SEL1L2: variants seen among roughly 807,000 people sequenced by gnomAD.
The protein encoded by SEL1L2 is protein sel-1 homolog 2.
In SEL1L2, 89 loss-of-function variants were observed where a neutral mutation model predicts 98.8. The ratio of observed to expected loss-of-function variants is 0.90; its 90% CI spans 0.76 to 1.07. The LOEUF (loss-of-function observed/expected upper bound fraction) is 1.07, where lower values mean the gene tolerates loss of function less well. Among genes scored for constraint, SEL1L2 ranks in the 50% least tolerant of loss-of-function variants. The pLI, the probability that SEL1L2 is intolerant of heterozygous loss-of-function variation, is 0.00. For synonymous variants in SEL1L2, 262 were observed against 278.5 expected, an observed-to-expected ratio of 0.94 and a Z score of 0.59; for missense variants, 788 against 812.0, an observed-to-expected ratio of 0.97 and a Z score of 0.36.
At chr20:13,992,592 G>C (rs1015591973), upstream of SEL1L2, among the ~76,000 whole-genome samples, 2 of 152,162 alleles carry the variant, frequency 1.3e-5, no homozygotes, top group African/African-American at 2.4e-5. Flanking sequence ...GGGTGGTATG[G>C]AGCATAGTAT....
intron 18 of SEL1L2, among the ~76,000 whole-genome samples, chr20:13,855,049 C>CAAAAAAAA (rs71188190): frequency 1.2e-5 from 1 of 81,116 alleles, no homozygotes. Context: ...GACTCCGTCT[C>CAAAAAAAA]AAAAAAAAAA....
chr20:13,888,635 CTTTT>C (rs71188192), intron 5 of SEL1L2, 123 bp from the exon 6 acceptor site: 185 of 206,246 alleles, frequency 9.0e-4, no homozygotes, highest in Non-Finnish European at 1.1e-3. Context: ...CTTTCTTTCT[CTTTT>C]TTTTTTTTTT....
rs1569006493 is a variant in SEL1L2, at chr20:13,939,043, T to TTTTTTTTTTTTTTTTTTTTTTTTTTC, written c.115-7273_115-7272insGAAAAAAAAAAAAAAAAAAAAAAAAA. Among the ~76,000 whole-genome samples, 67 of 117,596 alleles carry TTTTTTTTTTTTTTTTTTTTTTTTTTC rather than the reference T, an allele frequency of 5.7e-4. 5 individuals carry two copies. The East Asian group carries it at 9.9e-3, about 17-fold the overall frequency. The allele number at this position is 117,596 out of a possible 152,430, so 77.1% of individuals were successfully genotyped here. On this transcript the variant is annotated intron_variant, in intron 2 of 19. Transcript: ENST00000284951. ...TTTTGGTTTGTTTGCTTGTTTTGTTTTTTTTTTTTTTTTTTTCTGAGATGG... is the reference window on the plus strand; with the variant it reads ...TTTTGGTTTGTTTGCTTGTTTTGTTTTTTTTTTTTTTTTTTTTTTTTTTTTCTTTTTTTTTTTTTTTTCTGAGATGG...
At chr20:13,992,365 ATGG>A (rs1270748114), upstream of SEL1L2, among the ~76,000 whole-genome samples, 1 of 151,824 alleles carries the variant, frequency 6.6e-6, no homozygotes, top group African/African-American at 2.4e-5. Context: ...TTAGCCGGGC[ATGG>A]TGGTAGATGC....
chr20:13,931,475 T>C, intron 3 of SEL1L2, 128 bp downstream of exon 3: 2 of 504,462 alleles, frequency 4.0e-6, no homozygotes, highest in Non-Finnish European at 6.1e-6. Context: ...GACTGCAGAA[T>C]TTAATGCTTT....
intron 1 of SEL1L2, among the ~76,000 whole-genome samples, chr20:13,970,224 C>T (rs538447105): frequency 2.0e-5 from 3 of 152,188 alleles, no homozygotes; most frequent in South Asian, 4.1e-4. Flanking sequence ...TTCTGACATA[C>T]CGTGAAATAA....
intron 1 of SEL1L2, among the ~76,000 whole-genome samples, chr20:13,958,144 A>G (rs1234603662): frequency 6.6e-6 from 1 of 152,186 alleles, no homozygotes; most frequent in Non-Finnish European, 1.5e-5. Context: ...ACAGGCCTAT[A>G]TTCTAGTCTT....
chr20:13,989,142 TCTTCTTTAA>T (rs1569097349), intron 1 of SEL1L2, among the ~76,000 whole-genome samples: 1 of 152,232 alleles, frequency 6.6e-6, no homozygotes, highest in African/African-American at 2.4e-5. Context: ...TGTAGTGAAG[TCTTCTTTAA>T]CTTCTTTAAA....
At position 13,968,631 on chromosome 20, in the gene SEL1L2, G is replaced by A. The variant is rs536441063; in HGVS notation, c.59-12500C>T. 1.2e-4 allele frequency among the ~76,000 whole-genome samples: 19 copies of A among 152,264 alleles called. No homozygotes were observed. The East Asian group carries it at 3.3e-3, about 26-fold the overall frequency. ...AAATAATGATGTGGTAGAAAGAAAC[G>A]AATTTTCTTGGCTGTTGGAGGAAAA... On this transcript the variant is annotated intron_variant, in intron 1 of 19. Coordinates refer to ENST00000284951, the MANE Select transcript of SEL1L2 (RefSeq NM_025229.2).
Position 13,929,646 on chromosome 20 carries a change from G to A in SEL1L2, c.283+1957C>T, listed in dbSNP as rs150112038. Reference sequence around the variant, plus strand: ...CTCCCGAGTAGCTTGGACTACAGGCGCCTGCAACCACACCCTGCTAATTTT... The same window carrying A: ...CTCCCGAGTAGCTTGGACTACAGGCACCTGCAACCACACCCTGCTAATTTT... On this transcript the variant is annotated intron_variant, in intron 3 of 19. Coordinates refer to ENST00000284951, the MANE Select transcript of SEL1L2 (RefSeq NM_025229.2). Among the ~76,000 whole-genome samples, 788 of 150,798 alleles carry A rather than the reference G, an allele frequency of 5.2e-3. 13 individuals are homozygous for A. Among genetic ancestry groups the A allele is most frequent in the African/African-American group, 0.018 (750 of 41,014 alleles).
intron 18 of SEL1L2, among the ~76,000 whole-genome samples, chr20:13,854,751 T>C (rs1418147610): frequency 6.6e-6 from 1 of 152,194 alleles, no homozygotes; most frequent in Non-Finnish European, 1.5e-5. Flanking sequence ...GAAGTAGATA[T>C]CTTTTAAATC....
At chr20:13,968,995 T>A (rs767265326) in intron 1 of SEL1L2, among the ~76,000 whole-genome samples, 5 of 152,240 alleles carry the variant, frequency 3.3e-5, no homozygotes, top group Non-Finnish European at 7.3e-5. Flanking sequence ...ATGGTGATTT[T>A]AAGATGTGAT....
intron 4 of SEL1L2, among the ~76,000 whole-genome samples, chr20:13,916,663 G>A (rs766721485): frequency 1.3e-5 from 2 of 152,140 alleles, no homozygotes; most frequent in Non-Finnish European, 2.9e-5. Context: ...AAAATTAGCC[G>A]GGTGTGGTGG....
intron 1 of SEL1L2, among the ~76,000 whole-genome samples, chr20:13,978,836 A>G (rs2051672827): frequency 6.6e-6 from 1 of 152,160 alleles, no homozygotes; most frequent in Non-Finnish European, 1.5e-5. Context: ...AGGCGAGTGG[A>G]ACACTTGAGG....
chr20:13,887,382 C>G (rs948589092), intron 8 of SEL1L2, among the ~76,000 whole-genome samples: 4 of 152,134 alleles, frequency 2.6e-5, no homozygotes, highest in African/African-American at 9.7e-5. Flanking sequence ...CAGATACCTC[C>G]AATGTATACC....
chr20:13,906,612 AT>A lies in SEL1L2; in HGVS notation c.549+7169del, dbSNP rs560118353. Among the ~76,000 whole-genome samples the A allele has an allele frequency of 2.4e-4, 37 of 151,674 alleles. No individual in the cohort carries two copies. In the East Asian group the frequency reaches 3.5e-3, roughly 14 times the overall value. On this transcript the variant is annotated intron_variant, in intron 5 of 19. Transcript: ENST00000284951. ...GATCATTAGGTGGATACTAAAAATAATTTTTTTTTCTGTATTAGCACAGTTC... is the reference window on the plus strand; with the variant it reads ...GATCATTAGGTGGATACTAAAAATAATTTTTTTTCTGTATTAGCACAGTTC...
chr20:13,922,974 G>A (rs1387176090), intron 3 of SEL1L2, among the ~76,000 whole-genome samples: 1 of 152,136 alleles, frequency 6.6e-6, no homozygotes, highest in African/African-American at 2.4e-5. Context: ...TGGCACTAGA[G>A]GGTTACTCCC....
intron 12 of SEL1L2, among the ~76,000 whole-genome samples, chr20:13,871,507 C>T (rs2046191445): frequency 6.6e-6 from 1 of 151,892 alleles, no homozygotes; most frequent in African/African-American, 2.4e-5. Context: ...TGATTGACCA[C>T]CTGACTTTCT....
chr20:13,908,688 A>G (rs143705495), intron 5 of SEL1L2, among the ~76,000 whole-genome samples: 39 of 152,352 alleles, frequency 2.6e-4, no homozygotes, highest in South Asian at 1.2e-3. Flanking sequence ...CATGAAGACT[A>G]TTCCGTTAAT....
Sources: gnomAD v4.1 joint callset for allele counts (sites outside exome capture counted in the v4.1 genomes callset) on GRCh38, gnomAD v4.1.1 for gene constraint, MANE v1.5 for transcripts, NCBI Gene and HGNC (gene_info 2026-07-23, HGNC 2026-07-21) for gene names.